Variants in MACROD1 observed in about 807,000 individuals in gnomAD.
The protein encoded by MACROD1 is ADP-ribose glycohydrolase MACROD1.
In MACROD1, 31 loss-of-function variants were observed where a neutral mutation model predicts 41.4. The observed-to-expected ratio is 0.75, with a 90% CI of 0.56 to 1.01. The LOEUF (loss-of-function observed/expected upper bound fraction) is 1.01. Among genes scored for constraint, MACROD1 ranks in the 50% least tolerant of loss-of-function variants. The pLI is 0.00. For synonymous variants in MACROD1, 252 were observed against 203.4 expected, an observed-to-expected ratio of 1.24 and a Z score of -2.03; for missense variants, 473 against 460.0, an observed-to-expected ratio of 1.03 and a Z score of -0.26.
At chr11:64,093,364 G>A (rs1944523901) in intron 3 of MACROD1, among the ~76,000 whole-genome samples, 1 of 152,210 alleles carries the variant, frequency 6.6e-6, no homozygotes, top group African/African-American at 2.4e-5. Flanking sequence ...CGGCCCATTG[G>A]GAAAAGACAA....
At position 64,165,952 on chromosome 11, in the gene MACROD1, G is replaced by T; in HGVS notation, c.43C>A (p.Arg15Ser). ...GGGACGAGCAGCTGCCCCGCCGCGC[G>T]CAGCTGTGCCAGGCGGCCGGACAGT... The part of the protein sequence containing the change: ...SRLSGRLAQL[R>S]AAGQLLVPPR... Residue 15 changes from arginine to serine, a missense_variant, in exon 1 of 11, where the codon CGC becomes AGC. Transcript: ENST00000255681. 7.7e-7 allele frequency: 1 copy of T among 1,307,110 alleles called. No individual in the cohort carries two copies. The highest frequency in any genetic ancestry group is 3.1e-5 in the East Asian group (1 of 32,346). The allele number at this position is 1,307,110 out of a possible 1,614,324, so 81.0% of individuals were successfully genotyped here. A position where few individuals can be genotyped will look rare whatever the true frequency, so the allele number is the denominator to read the frequency against.
rs540500798 is a variant in MACROD1, at chr11:64,119,853, T to C, written c.517+31386A>G. On this transcript the variant is annotated intron_variant, in intron 3 of 10. Transcript: ENST00000255681. ...CCATGAGATTAAAACGATGATGAAA[T>C]AATGACAGCGAATTGGAGAGGGAGG... Among the ~76,000 whole-genome samples, 24 of 152,238 alleles carry C rather than the reference T, an allele frequency of 1.6e-4. 2 individuals carry two copies. Among genetic ancestry groups the C allele is most frequent in the Admixed American group, 1.4e-3 (22 of 15,290 alleles).
At chr11:64,012,017 C>T (rs562510733) in intron 4 of MACROD1, among the ~76,000 whole-genome samples, 1 of 152,270 alleles carries the variant, frequency 6.6e-6, no homozygotes, top group Admixed American at 6.5e-5. Context: ...CCACTGTGTT[C>T]CAATCACATT....
intron 3 of MACROD1, among the ~76,000 whole-genome samples, chr11:64,125,587 G>A (rs1270854659): frequency 6.6e-6 from 1 of 152,222 alleles, no homozygotes; most frequent in Admixed American, 6.5e-5. Context: ...CTGGCACAGA[G>A]AGGGGCTCAT....
intron 3 of MACROD1, among the ~76,000 whole-genome samples, chr11:64,105,188 G>C (rs958657441): frequency 6.6e-6 from 1 of 152,218 alleles, no homozygotes; most frequent in Non-Finnish European, 1.5e-5. Context: ...CCGACAGCGG[G>C]GCCGCGAGCG....
intron 3 of MACROD1, chr11:64,118,570 A>T (rs1018767533): frequency 5.3e-6 from 2 of 378,040 alleles, no homozygotes; most frequent in Non-Finnish European, 5.0e-6. Flanking sequence ...ACTAAAAATA[A>T]TATTGCAGGC....
intron 3 of MACROD1, among the ~76,000 whole-genome samples, chr11:64,088,254 A>G (rs950007620): frequency 6.6e-6 from 1 of 152,162 alleles, no homozygotes; most frequent in Non-Finnish European, 1.5e-5. Context: ...GGGACCAGGC[A>G]AGCACCCAGG....
intron 3 of MACROD1, among the ~76,000 whole-genome samples, chr11:64,078,786 G>T (rs560850614): frequency 6.6e-6 from 1 of 152,054 alleles, no homozygotes; most frequent in Non-Finnish European, 1.5e-5. Context: ...GGTGACTGCA[G>T]GGGGGGAGGC....
intron 3 of MACROD1, among the ~76,000 whole-genome samples, chr11:64,125,104 C>T (rs1305273585): frequency 2.6e-5 from 4 of 152,144 alleles, no homozygotes; most frequent in South Asian, 2.1e-4. Flanking sequence ...TGTCCCCTCC[C>T]GCCCCTTGTC....
At chr11:64,101,717 C>T (rs1944674532) in intron 3 of MACROD1, among the ~76,000 whole-genome samples, 1 of 152,222 alleles carries the variant, frequency 6.6e-6, no homozygotes, top group Admixed American at 6.5e-5. Flanking sequence ...TGCAGGGACT[C>T]TGTCCTCATC....
intron 3 of MACROD1, among the ~76,000 whole-genome samples, chr11:64,143,897 G>A (rs577318983): frequency 1.8e-4 from 27 of 151,896 alleles, no homozygotes; most frequent in Non-Finnish European, 3.5e-4. Context: ...ACATCTCTGA[G>A]CCTCCATTTC....
rs1488456119 is a variant in MACROD1 at position 64,067,934 on chromosome 11, C to G, written c.518-52653G>C. On this transcript the variant is annotated intron_variant, in intron 3 of 10. Transcript: ENST00000255681. This position sits in a 1 kb window ranked among gnomAD's most constrained non-coding sequence, Gnocchi z 4.6. ...AGGAGGGGGCTGGCGGTGAACCCAT[C>G]CCCGTTACAATGCACTCAGGGACCC... 6.6e-6 allele frequency among the ~76,000 whole-genome samples: 1 copy of G among 152,144 alleles called. No individual in the cohort carries two copies. Among genetic ancestry groups the G allele is most frequent in the Admixed American group, 6.5e-5 (1 of 15,282 alleles).
intron 3 of MACROD1, among the ~76,000 whole-genome samples, chr11:64,119,843 G>A (rs1289649576): frequency 6.6e-6 from 1 of 152,156 alleles, no homozygotes; most frequent in Non-Finnish European, 1.5e-5. Context: ...AGATTAAAAC[G>A]ATGATGAAAT....
At chr11:64,121,625 T>C (rs1054691763) in intron 3 of MACROD1, among the ~76,000 whole-genome samples, 1 of 152,064 alleles carries the variant, frequency 6.6e-6, no homozygotes, top group Non-Finnish European at 1.5e-5. Flanking sequence ...ATAGGAGATG[T>C]TTCAGGACAC....
chr11:64,039,220 G>A (rs540186130), intron 3 of MACROD1, among the ~76,000 whole-genome samples: 2 of 152,212 alleles, frequency 1.3e-5, no homozygotes, highest in African/African-American at 2.4e-5. Flanking sequence ...GTGGGTGAGC[G>A]AGCGTGGGTG....
intron 3 of MACROD1, among the ~76,000 whole-genome samples, chr11:64,134,688 C>T (rs1776966267): frequency 6.6e-6 from 1 of 152,216 alleles, no homozygotes; most frequent in South Asian, 2.1e-4. Context: ...TTCCAGCACC[C>T]GCCTCTCTAG....
intron 3 of MACROD1, among the ~76,000 whole-genome samples, chr11:64,127,207 TTC>T (rs1945196997): frequency 6.6e-6 from 1 of 152,282 alleles, no homozygotes; most frequent in Non-Finnish European, 1.5e-5. Context: ...TGGTCCTATT[TTC>T]TGTTTGTCTA....
chr11:64,075,528 A>G (rs1240367382), intron 3 of MACROD1, among the ~76,000 whole-genome samples: 1 of 152,234 alleles, frequency 6.6e-6, no homozygotes, highest in Non-Finnish European at 1.5e-5. Flanking sequence ...AACCGAGGGA[A>G]CAGGCAGAGG....
rs542018538 is a variant in MACROD1 at position 64,011,116 on chromosome 11, G to T, written c.547+4136C>A. On this transcript the variant is annotated intron_variant, in intron 4 of 10. Coordinates refer to ENST00000255681, the MANE Select transcript of MACROD1 (RefSeq NM_014067.4). ...TGTTGGTTGGCATGTTGGTTGGGGT[G>T]TTGGCTGGCATATTGGTTGGCACGA... Among the ~76,000 whole-genome samples, 721 of 149,996 alleles carry T rather than the reference G, an allele frequency of 4.8e-3. 9 individuals carry two copies. The highest frequency in any genetic ancestry group is 0.017 in the African/African-American group (696 of 40,610).
Sources: allele counts gnomAD v4.1 joint callset (sites outside exome capture counted in the v4.1 genomes callset), GRCh38; gene constraint gnomAD v4.1.1; non-coding constraint Gnocchi (gnomAD v3.1); transcripts MANE v1.5; gene names NCBI Gene and HGNC (gene_info 2026-07-23, HGNC 2026-07-21).